DNAH8: variants seen among roughly 807,000 people sequenced by gnomAD.
The protein encoded by DNAH8 is dynein axonemal heavy chain 8, also known as axonemal beta dynein heavy chain 8.
DNAH8 carries 382 observed loss-of-function variants against 562.1 expected under a neutral mutation model. The ratio of observed to expected loss-of-function variants is 0.68; its 90% CI spans 0.63 to 0.74. The LOEUF (loss-of-function observed/expected upper bound fraction) is 0.74, where lower values mean the gene tolerates loss of function less well. Ranked by LOEUF, DNAH8 falls within the 30% of genes least tolerant of loss-of-function variation. The pLI is 0.00. For synonymous variants in DNAH8, 1,881 were observed against 1,919.4 expected (o/e 0.98, Z 0.52); for missense variants, 5,203 against 5,620.4 (o/e 0.93, Z 2.37).
chr6:38,917,609 C>T (rs534708923), intron 69 of DNAH8, among the ~76,000 whole-genome samples: 51 of 152,290 alleles, frequency 3.3e-4, no homozygotes, highest in African/African-American at 1.1e-3. Flanking sequence ...TGTCCAGAAC[C>T]GGTGGCTAGT....
chr6:38,735,278 G>C (rs1015815252), intron 5 of DNAH8, among the ~76,000 whole-genome samples: 3 of 152,130 alleles, frequency 2.0e-5, no homozygotes, highest in Non-Finnish European at 2.9e-5. Context: ...GTTATTCTTA[G>C]AGAGTCTTAA....
intron 88 of DNAH8, among the ~76,000 whole-genome samples, chr6:39,002,463 T>C (rs1346264619): frequency 6.6e-6 from 1 of 152,260 alleles, no homozygotes; most frequent in Non-Finnish European, 1.5e-5. Flanking sequence ...TGTATTTTTC[T>C]TATACGGTAC....
Position 38,938,979 on chromosome 6 carries a change from CT to C in DNAH8, c.11999del (p.Leu4000ProfsTer10). On this transcript the variant is annotated frameshift_variant, in exon 79 of 93. Coordinates refer to ENST00000327475, the MANE Select transcript of DNAH8 (RefSeq NM_001206927.2). LOFTEE classifies it high-confidence loss of function. ...GTVKHREFQA[L>X]IKGGAALDLK... Reference sequence around the variant, plus strand: ...AGTTAAGCACAGAGAGTTTCAAGCTCTCATTAAAGGTAAAGTGTGTGGGATA... The same window carrying C: ...AGTTAAGCACAGAGAGTTTCAAGCTCCATTAAAGGTAAAGTGTGTGGGATA... 6.2e-7 allele frequency: 1 copy of C among 1,612,748 alleles called. No individual in the cohort carries two copies. Among genetic ancestry groups the C allele is most frequent in the Non-Finnish European group, 8.5e-7 (1 of 1,179,426 alleles).
intron 76 of DNAH8, among the ~76,000 whole-genome samples, chr6:38,933,917 A>G (rs1426128118): frequency 2.0e-5 from 3 of 152,228 alleles, no homozygotes; most frequent in Non-Finnish European, 4.4e-5. Flanking sequence ...ACAAATATTT[A>G]TTGGGTTGAG....
Position 38,786,918 on chromosome 6 carries a change from A to G in DNAH8, c.2549A>G (p.Glu850Gly), listed in dbSNP as rs117061525. 1,317 of 1,610,202 alleles carry G rather than the reference A, an allele frequency of 8.2e-4. 17 individuals carry two copies. The East Asian group carries it at 0.026, about 32-fold the overall frequency. The change falls in exon 18 of 93, where the codon GAA (glutamate) becomes GGA (glycine). Residue 850 changes from glutamate (E) to glycine (G), a missense_variant. By Grantham distance (98) the Glu-to-Gly change is moderately conservative. Transcript: ENST00000327475. The stretch of plus-strand genomic sequence containing the variant: ...CAGGCAAAGAGATTGCTAAAATTGG[A>G]AAGTAAATTGAAAGCAGACAAACTG... ...PEQAKRLLKL[E>G]SKLKADKLYL...
chr6:38,863,259 A>C (rs1776778017), intron 44 of DNAH8, among the ~76,000 whole-genome samples: 2 of 151,866 alleles, frequency 1.3e-5, no homozygotes, highest in Admixed American at 1.3e-4. Flanking sequence ...GTGAAACCCC[A>C]TCTCTACTAA....
At position 38,939,661 on chromosome 6, in the gene DNAH8, T is replaced by G. The variant is rs140314443; in HGVS notation, c.12007+673T>G. 5.9e-5 allele frequency among the ~76,000 whole-genome samples: 9 copies of G among 152,314 alleles called. No homozygotes were observed. The East Asian group carries it at 1.7e-3, about 29-fold the overall frequency. On this transcript the variant is annotated intron_variant, in intron 79 of 92. Transcript: ENST00000327475. ...GTTGAGTCTAAAAGGAGGGAAAGAT[T>G]ACATGTGGTTGGTGAAATCAAAAAG...
chr6:38,954,788 T>G (rs932641390), intron 82 of DNAH8, among the ~76,000 whole-genome samples: 1 of 152,162 alleles, frequency 6.6e-6, no homozygotes, highest in Non-Finnish European at 1.5e-5. Context: ...TTTAGAAAAT[T>G]TCCTCAGAAA....
intron 79 of DNAH8, among the ~76,000 whole-genome samples, chr6:38,941,538 G>T (rs1396575499): frequency 6.6e-6 from 1 of 152,160 alleles, no homozygotes; most frequent in African/African-American, 2.4e-5. Flanking sequence ...ATGGAAGTTG[G>T]TTTTTTAAGG....
rs936719455 is a variant in DNAH8 at position 38,729,696 on chromosome 6, A to G, written c.526-206A>G. Among the ~76,000 whole-genome samples the G allele has an allele frequency of 1.1e-4, 16 of 152,144 alleles. 1 individual carries two copies. Among genetic ancestry groups the G allele is most frequent in the Admixed American group, 1.0e-3 (16 of 15,280 alleles). On this transcript the variant is annotated intron_variant, in intron 3 of 92. Coordinates refer to ENST00000327475, the MANE Select transcript of DNAH8 (RefSeq NM_001206927.2). ...GTCAGGTAAGTGGCTGCCCAAAACTATATATGTAGGTCATTAATGTAGGTT... is the reference window on the plus strand; with the variant it reads ...GTCAGGTAAGTGGCTGCCCAAAACTGTATATGTAGGTCATTAATGTAGGTT...
Position 38,741,899 on chromosome 6 carries a change from T to C in DNAH8, c.1293+12T>C, listed in dbSNP as rs199550799. The C allele has an allele frequency of 4.2e-5, 68 of 1,601,002 alleles. 2 individuals carry two copies. In the East Asian group the frequency reaches 1.5e-3, roughly 36 times the overall value. ...CCAAACTGCTAAAGGTAAAAGGCTT[T>C]TTATTTAAAGTTTGGTATACTTCAG... is the stretch of plus-strand genomic sequence containing the variant. On this transcript the variant is annotated intron_variant, in intron 8 of 92. Coordinates refer to ENST00000327475, the MANE Select transcript of DNAH8 (RefSeq NM_001206927.2).
chr6:39,007,740 C>G (rs12208827), intron 88 of DNAH8, among the ~76,000 whole-genome samples: 20,278 of 152,164 alleles, frequency 0.13, 1,604 homozygotes, highest in East Asian at 0.35. Context: ...GCACTGAAAC[C>G]CTTTTCACCC....
At chr6:38,754,017 A>T (rs934988415) in intron 9 of DNAH8, among the ~76,000 whole-genome samples, 1 of 152,194 alleles carries the variant, frequency 6.6e-6, no homozygotes, top group African/African-American at 2.4e-5. Context: ...TGTTTAGTTT[A>T]TAACTGTCAT....
Position 38,857,572 on chromosome 6 carries a change from C to T in DNAH8, c.5788C>T (p.Arg1930Cys), listed in dbSNP as rs767447851. The change falls in exon 42 of 93, where the codon CGT becomes TGT. Residue 1930 changes from arginine (R) to cysteine (C), a missense_variant. Physicochemically the swap from Arg to Cys is radical, Grantham distance 180. Transcript: ENST00000327475. ...LWTHDSEEALRNAKDDRKIMQ... is the reference protein window; with the variant it reads ...LWTHDSEEALCNAKDDRKIMQ... The stretch of plus-strand genomic sequence containing the variant: ...GACACACGATTCAGAAGAGGCTTTA[C>T]GTAATGCAAAAGATGACAGGAAAAT... 2.5e-6 allele frequency: 4 copies of T among 1,613,834 alleles called. No homozygotes were observed. Among genetic ancestry groups the T allele is most frequent in the South Asian group, 1.1e-5 (1 of 91,068 alleles).
Position 38,775,143 on chromosome 6 carries a change from G to A in DNAH8, c.1765-611G>A, listed in dbSNP as rs1043631864. Among the ~76,000 whole-genome samples the A allele has an allele frequency of 2.0e-5, 3 of 152,210 alleles. No homozygotes were observed. The South Asian group carries it at 6.2e-4, about 32-fold the overall frequency. ...CTAAAGCAGAAGTCAAAATGGGGAAGCGTAAGGAAGGAGTAGCCTGTGGAC... is the reference window on the plus strand; with the variant it reads ...CTAAAGCAGAAGTCAAAATGGGGAAACGTAAGGAAGGAGTAGCCTGTGGAC... On this transcript the variant is annotated intron_variant, in intron 12 of 92. Coordinates refer to ENST00000327475, the MANE Select transcript of DNAH8 (RefSeq NM_001206927.2).
At position 38,875,785 on chromosome 6, in the gene DNAH8, A is replaced by G; in HGVS notation, c.7815A>G (p.Lys2605=). The change falls in exon 53 of 93, where the codon AAA becomes AAG. Residue 2605 remains lysine (K), a synonymous_variant. Coordinates refer to ENST00000327475, the MANE Select transcript of DNAH8 (RefSeq NM_001206927.2). The stretch of plus-strand genomic sequence containing the variant: ...AGTTGGACTTACCAGAAATACCTAA[A>G]GGCTCAAATCAAACCATGTATGAGT... ...ESKLDLPEIP[K]GSNQTMYEFY... 1.9e-6 allele frequency: 3 copies of G among 1,613,952 alleles called. No individual in the cohort carries two copies. The highest frequency in any genetic ancestry group is 2.5e-6 in the Non-Finnish European group (3 of 1,179,902).
At chr6:38,729,865 T>C (rs764404672) in intron 3 of DNAH8, 37 bp from the exon 4 acceptor site, 1 of 1,099,842 alleles carries the variant, frequency 9.1e-7, no homozygotes, top group Non-Finnish European at 1.3e-6. Context: ...AATTTTTCCT[T>C]AGTCGTTTGA....
chr6:38,969,852 G>A (rs1178979846), intron 82 of DNAH8, among the ~76,000 whole-genome samples: 1 of 152,064 alleles, frequency 6.6e-6, no homozygotes, highest in Non-Finnish European at 1.5e-5. Context: ...CTGAGCAGAG[G>A]ATGAACATAA....
intron 75 of DNAH8, among the ~76,000 whole-genome samples, chr6:38,930,945 T>C (rs888937537): frequency 6.6e-6 from 1 of 152,150 alleles, no homozygotes; most frequent in Non-Finnish European, 1.5e-5. Context: ...ACCACTGTTC[T>C]ATTCTCTGCT....
Sources: allele counts gnomAD v4.1 joint callset (sites outside exome capture counted in the v4.1 genomes callset), GRCh38; gene constraint gnomAD v4.1.1; transcripts MANE v1.5; gene names NCBI Gene and HGNC (gene_info 2026-07-23, HGNC 2026-07-21).